GRID2: variants seen among roughly 807,000 people sequenced by gnomAD.
The protein encoded by GRID2 is glutamate ionotropic receptor delta type subunit 2.
A neutral mutation model predicts 114.8 loss-of-function variants in GRID2; 33 were observed. The observed-to-expected ratio is 0.29, with a 90% CI of 0.22 to 0.38. The LOEUF is 0.38. Among genes scored for constraint, GRID2 ranks in the 10% least tolerant of loss-of-function variants. The probability of loss-of-function intolerance (pLI) is 1.00; values close to 1 mark genes in which losing one functional copy is unlikely to be tolerated. For missense variants in GRID2, 1,184 were observed against 1,257.7 expected, an observed-to-expected ratio of 0.94 and a Z score of 0.89; for synonymous variants, 505 against 449.9, an observed-to-expected ratio of 1.12 and a Z score of -1.55.
chr4:92,874,450 T>G (rs868437264), intron 2 of GRID2, among the ~76,000 whole-genome samples: 2 of 152,168 alleles, frequency 1.3e-5, no homozygotes, highest in South Asian at 4.1e-4. Context: ...TTCAAATAAA[T>G]GTCATACCTC....
chr4:93,127,193 C>A (rs530757934), intron 4 of GRID2, among the ~76,000 whole-genome samples: 3 of 152,198 alleles, frequency 2.0e-5, no homozygotes, highest in Non-Finnish European at 4.4e-5. Context: ...TGATCACTTG[C>A]GAAGTTATTA....
At chr4:93,700,850 C>G (rs930267106) in intron 14 of GRID2, among the ~76,000 whole-genome samples, 1 of 152,084 alleles carries the variant, frequency 6.6e-6, no homozygotes, top group African/African-American at 2.4e-5. Context: ...CATAATGAAT[C>G]TGTTTTATCT....
chr4:93,255,465 A>G (rs1372710119), intron 8 of GRID2, among the ~76,000 whole-genome samples: 4 of 152,020 alleles, frequency 2.6e-5, no homozygotes, highest in African/African-American at 2.4e-5. Flanking sequence ...TGTGTTTGCT[A>G]TGATGTGGAT....
chr4:93,196,045 G>C (rs888447348), intron 4 of GRID2, among the ~76,000 whole-genome samples: 1 of 152,066 alleles, frequency 6.6e-6, no homozygotes, highest in African/African-American at 2.4e-5. Flanking sequence ...AACACAGTTC[G>C]AACACCGTAA....
chr4:92,343,699 G>A (rs373734669), intron 1 of GRID2, among the ~76,000 whole-genome samples: 27 of 151,864 alleles, frequency 1.8e-4, no homozygotes, highest in Non-Finnish European at 3.7e-4. Flanking sequence ...TCATCCTCCC[G>A]AGTAGTTGGG....
At chr4:93,094,785 A>T (rs1415843307) in intron 3 of GRID2, among the ~76,000 whole-genome samples, 1 of 152,034 alleles carries the variant, frequency 6.6e-6, no homozygotes, top group East Asian at 1.9e-4. Context: ...GGGAAAACAA[A>T]GATAAATGTG....
At chr4:93,663,424 G>A (rs1003114651) in intron 14 of GRID2, among the ~76,000 whole-genome samples, 24 of 152,232 alleles carry the variant, frequency 1.6e-4, no homozygotes, top group African/African-American at 5.1e-4. Context: ...CCACACCAAC[G>A]GTGCAAACCT....
chr4:93,159,283 C>T (rs909350765), intron 4 of GRID2, among the ~76,000 whole-genome samples: 1 of 151,816 alleles, frequency 6.6e-6, no homozygotes, highest in African/African-American at 2.4e-5. Context: ...GAGCCCATAA[C>T]TTTACTTCCA....
intron 14 of GRID2, among the ~76,000 whole-genome samples, chr4:93,706,486 A>C (rs989182653): frequency 7.9e-5 from 12 of 152,130 alleles, no homozygotes; most frequent in Non-Finnish European, 1.3e-4. Flanking sequence ...TATTGTAAAC[A>C]GGATTATGTT....
intron 8 of GRID2, among the ~76,000 whole-genome samples, chr4:93,243,848 A>G (rs1747824155): frequency 6.6e-6 from 1 of 152,128 alleles, no homozygotes; most frequent in Admixed American, 6.6e-5. Context: ...AGCACATTGT[A>G]TATACCCTTG....
chr4:93,457,913 G>C (rs1723360071), intron 11 of GRID2, among the ~76,000 whole-genome samples: 1 of 152,050 alleles, frequency 6.6e-6, no homozygotes, highest in Non-Finnish European at 1.5e-5. Context: ...TTACTAATGT[G>C]TGCTTAGTGG....
chr4:92,814,046 C>T (rs1332702381), intron 2 of GRID2, among the ~76,000 whole-genome samples: 1 of 152,126 alleles, frequency 6.6e-6, no homozygotes, highest in African/African-American at 2.4e-5. Context: ...AAAATGTCCT[C>T]TATCCTTGGA....
intron 2 of GRID2, among the ~76,000 whole-genome samples, chr4:92,800,024 T>C (rs1203542743): frequency 1.3e-5 from 2 of 152,012 alleles, no homozygotes; most frequent in African/African-American, 4.8e-5. Flanking sequence ...CTATAATTAA[T>C]ATAATTCTCA....
At chr4:93,084,545 C>T (rs558873691) in intron 2 of GRID2, among the ~76,000 whole-genome samples, 13 of 152,198 alleles carry the variant, frequency 8.5e-5, no homozygotes, top group African/African-American at 2.6e-4. Flanking sequence ...GTTTATTCAC[C>T]GGTTTACATA....
chr4:93,072,585 C>T (rs1728906829), intron 2 of GRID2, among the ~76,000 whole-genome samples: 1 of 151,388 alleles, frequency 6.6e-6, no homozygotes, highest in African/African-American at 2.4e-5. Context: ...TTGAACTCTG[C>T]AGGCCCATTT....
intron 2 of GRID2, among the ~76,000 whole-genome samples, chr4:93,031,707 G>T (rs1047824577): frequency 2.0e-5 from 3 of 151,592 alleles, no homozygotes; most frequent in African/African-American, 7.3e-5. Context: ...AGATTGTGAG[G>T]CCTCCCCAGT....
At position 92,735,580 on chromosome 4, in the gene GRID2, G is replaced by A. The variant is rs116668403; in HGVS notation, c.244+145294G>A. On this transcript the variant is annotated intron_variant, in intron 2 of 15. Coordinates refer to ENST00000282020, the MANE Select transcript of GRID2 (RefSeq NM_001510.4). ...AAAAGTATAATCTTCTTTACGTAAA[G>A]ATTTAAGTTTTATTTAGGAACTTTA... Among the ~76,000 whole-genome samples the A allele has an allele frequency of 6.8e-3, 1,034 of 152,190 alleles. 9 individuals are homozygous for A. The highest frequency in any genetic ancestry group is 0.023 in the African/African-American group (973 of 41,528).
In GRID2 at chr4:93,422,853, C is replaced by A. The variant is rs752486103; in HGVS notation, c.1430C>A (p.Ala477Asp). ...YQGFSIDVLD[A>D]LSNYLGFNYE... ...GGCTTCTCCATTGATGTTTTGGATG[C>A]CTTATCTAACTACCTGGGTTTTAAC... Residue 477 changes from alanine to aspartate, a missense_variant, in exon 10 of 16, where the codon GCC (alanine) becomes GAC (aspartate). Physicochemically the swap from Ala to Asp is moderately radical, Grantham distance 126 (BLOSUM62 -2). This residue lies in a region of GRID2 where 717 missense variants were observed against 796.9 expected (regional missense o/e 0.90). Transcript: ENST00000282020. 2.5e-6 allele frequency: 4 copies of A among 1,612,120 alleles called. No homozygotes were observed. In the Admixed American group the frequency reaches 6.7e-5, roughly 27 times the overall value.
At position 92,751,374 on chromosome 4, in the gene GRID2, A is replaced by C. The variant is rs545564846; in HGVS notation, c.244+161088A>C. Among the ~76,000 whole-genome samples the C allele has an allele frequency of 1.3e-4, 20 of 152,320 alleles. No homozygotes were observed. In the South Asian group the frequency reaches 4.1e-3, roughly 32 times the overall value. ...ATTTGTCAGCTATAAGGCAATAATCAAAACACATTTAAAATGAAAGTATTT... is the reference window on the plus strand; with the variant it reads ...ATTTGTCAGCTATAAGGCAATAATCCAAACACATTTAAAATGAAAGTATTT... On this transcript the variant is annotated intron_variant, in intron 2 of 15. Transcript: ENST00000282020.
Sources: gnomAD v4.1 joint callset for allele counts (sites outside exome capture counted in the v4.1 genomes callset) on GRCh38, gnomAD v4.1.1 for gene constraint, gnomAD v4.1.1 regional missense constraint, MANE v1.5 for transcripts, NCBI Gene and HGNC (gene_info 2026-07-23, HGNC 2026-07-21) for gene names.